Variants in CEP250 observed in about 807,000 individuals in gnomAD.
CEP250 encodes centrosome-associated protein CEP250.
CEP250 carries 242 observed loss-of-function variants against 315.7 expected under a neutral mutation model. The ratio of observed to expected loss-of-function variants is 0.77; its 90% CI spans 0.69 to 0.85. CEP250 has a LOEUF of 0.85. Among genes scored for constraint, CEP250 ranks in the 40% least tolerant of loss-of-function variants. The pLI, the probability that CEP250 is intolerant of heterozygous loss-of-function variation, is 0.00. For missense variants in CEP250, 2,515 were observed against 2,886.4 expected, an observed-to-expected ratio of 0.87 and a Z score of 2.95; for synonymous variants, 1,088 against 1,175.0, an observed-to-expected ratio of 0.93 and a Z score of 1.51.
chr20:35,491,008 C>T, intron 21 of CEP250: 1 of 786,374 alleles, frequency 1.3e-6, no homozygotes, highest in South Asian at 1.8e-5. Flanking sequence ...GGAGGGCTGA[C>T]ATGTACCACA....
At chr20:35,466,009 T>C in intron 6 of CEP250, 30 bp from the exon 7 acceptor site, 5 of 1,612,950 alleles carry the variant, frequency 3.1e-6, no homozygotes, top group Non-Finnish European at 4.2e-6. Flanking sequence ...ACCTTTATTT[T>C]GCACCCACTT....
At position 35,517,174 on chromosome 20, in the gene CEP250, G is replaced by C; in HGVS notation, c.*5548G>C. 4.2e-6 allele frequency: 1 copy of C among 238,088 alleles called. No homozygotes were observed. Among genetic ancestry groups the C allele is most frequent in the Non-Finnish European group, 6.8e-6 (1 of 146,466 alleles). 14.7% of individuals were successfully genotyped at this position (238,088 alleles called of 1,614,324 possible). ...CCTATTCAGTCCTCAAGGGTGCCCT[G>C]CTAAAGGCTGGGCTGAAAGCTAAGA... On this transcript the variant is annotated 3_prime_UTR_variant, in exon 35 of 35. Coordinates refer to ENST00000397527, the MANE Select transcript of CEP250 (RefSeq NM_007186.6).
At chr20:35,475,440 TA>T in intron 14 of CEP250, 61 bp from the exon 15 acceptor site, 2 of 1,522,144 alleles carry the variant, frequency 1.3e-6, no homozygotes, top group South Asian at 2.3e-5. Flanking sequence ...ATATTCCTGT[TA>T]CCTTTGGGGT....
chr20:35,500,480 C>T (rs2063972553), intron 28 of CEP250, among the ~76,000 whole-genome samples: 1 of 152,174 alleles, frequency 6.6e-6, no homozygotes, highest in South Asian at 2.1e-4. Context: ...AGCTCCTGCA[C>T]AATTATAGGA....
Position 35,475,633 on chromosome 20 carries a change from C to T in CEP250, c.1703C>T (p.Ala568Val). The stretch of plus-strand genomic sequence containing the variant: ...AGGCAAGAGCAAACGGAAGTGACCG[C>T]AGCGCTGGCTAGGGTGCGTGGCCTC... ...LLRQEQTEVT[A>V]ALARAEQSIA... Residue 568 changes from alanine (A) to valine (V), a missense_variant, in exon 15 of 35, where the codon GCA (alanine) becomes GTA (valine). Ala to Val is a moderately conservative substitution (Grantham distance 64). Transcript: ENST00000397527. 6.2e-7 allele frequency: 1 copy of T among 1,613,770 alleles called. No individual in the cohort carries two copies. The highest frequency in any genetic ancestry group is 2.2e-5 in the East Asian group (1 of 44,876).
intron 20 of CEP250, among the ~76,000 whole-genome samples, chr20:35,485,226 T>C (rs887480257): frequency 1.3e-5 from 2 of 151,948 alleles, no homozygotes; most frequent in African/African-American, 4.8e-5. Context: ...TACAAAAATA[T>C]TAGCCGGGTG....
intron 28 of CEP250, among the ~76,000 whole-genome samples, chr20:35,501,528 A>G (rs533546791): frequency 1.3e-5 from 2 of 152,250 alleles, no homozygotes; most frequent in East Asian, 1.9e-4. Context: ...AGGAACCTCC[A>G]GTGTCATCTG....
At position 35,508,995 on chromosome 20, in the gene CEP250, C is replaced by A. The variant is rs1317230922; in HGVS notation, c.6959C>A (p.Ala2320Glu). Residue 2320 changes from alanine (A) to glutamate (E), a missense_variant, in exon 33 of 35, where the codon GCA becomes GAA. Transcript: ENST00000397527. ...LKREAMRAAQ[A>E]GSLEISKATA... is the part of the protein sequence containing the mutation. The stretch of plus-strand genomic sequence containing the variant: ...AGGGAGGCCATGCGTGCGGCCCAGG[C>A]AGGGTCCCTAGAGATCAGCAAGGCC... 4.5e-6 allele frequency: 7 copies of A among 1,559,268 alleles called. No individual in the cohort carries two copies. The highest frequency in any genetic ancestry group is 6.1e-6 in the Non-Finnish European group (7 of 1,150,742).
At chr20:35,498,472 C>G in intron 26 of CEP250, 123 bp from the exon 27 acceptor site, 1 of 1,201,746 alleles carries the variant, frequency 8.3e-7, no homozygotes, top group Non-Finnish European at 1.2e-6. Context: ...GAGTGAACTG[C>G]TGAGAAAGGG....
chr20:35,459,716 C>T (rs974123734), intron 2 of CEP250, among the ~76,000 whole-genome samples: 3 of 151,918 alleles, frequency 2.0e-5, no homozygotes, highest in Admixed American at 6.6e-5. Context: ...TTTGAGGCTG[C>T]GGTGAGCTAT....
chr20:35,502,074 C>T, intron 29 of CEP250, 108 bp downstream of exon 29: 1 of 1,285,102 alleles, frequency 7.8e-7, no homozygotes, highest in East Asian at 2.3e-5. Context: ...CTGTCAGTTC[C>T]TCTGGCTGTC....
At chr20:35,481,518 A>AT (rs377397812) in intron 20 of CEP250, among the ~76,000 whole-genome samples, 5 of 151,932 alleles carry the variant, frequency 3.3e-5, no homozygotes, top group East Asian at 3.9e-4. Context: ...ACAAATTATG[A>AT]TTTTTTTATT....
chr20:35,473,656 G>T (rs917700241), intron 13 of CEP250, 104 bp downstream of exon 13: 2 of 1,251,610 alleles, frequency 1.6e-6, no homozygotes, highest in African/African-American at 3.0e-5. Context: ...TGCTGATCCT[G>T]TTCTCCTTGA....
intron 20 of CEP250, among the ~76,000 whole-genome samples, chr20:35,483,508 A>G (rs578117030): frequency 2.6e-5 from 4 of 151,240 alleles, no homozygotes; most frequent in East Asian, 3.9e-4. Context: ...ACATGCCACC[A>G]TGCCCAGCTA....
Position 35,505,027 on chromosome 20 carries a change from A to G in CEP250, c.6636+22A>G, listed in dbSNP as rs763006347. The G allele has an allele frequency of 2.4e-5, 37 of 1,571,064 alleles. No homozygotes were observed. In the East Asian group the frequency reaches 7.0e-4, roughly 30 times the overall value. On this transcript the variant is annotated intron_variant, in intron 30 of 34. Transcript: ENST00000397527. Reference sequence around the variant, plus strand: ...GCAGGTAAGTCACTCCATGGGGAGTAAGGGCCAGGGGACACACCCCTGTCT... The same window carrying G: ...GCAGGTAAGTCACTCCATGGGGAGTGAGGGCCAGGGGACACACCCCTGTCT...
intron 15 of CEP250, among the ~76,000 whole-genome samples, chr20:35,476,046 T>C (rs2146828727): frequency 6.6e-6 from 1 of 152,332 alleles, no homozygotes; most frequent in Middle Eastern, 3.4e-3. Context: ...CTGCGTGTAC[T>C]TTTCCCTTTC....
Position 35,472,381 on chromosome 20 carries a change from C to T in CEP250, c.1050+230C>T, listed in dbSNP as rs1301960112. Reference sequence around the variant, plus strand: ...CTTTCCTGTTTCTAGCTGCAGTTCTCAGGCTGGAGGCTAGATTCTGGTATT... The same window carrying T: ...CTTTCCTGTTTCTAGCTGCAGTTCTTAGGCTGGAGGCTAGATTCTGGTATT... On this transcript the variant is annotated intron_variant, in intron 11 of 34. Coordinates refer to ENST00000397527, the MANE Select transcript of CEP250 (RefSeq NM_007186.6). 3.3e-5 allele frequency among the ~76,000 whole-genome samples: 5 copies of T among 152,234 alleles called. No homozygotes were observed. The East Asian group carries it at 9.6e-4, about 29-fold the overall frequency.
At position 35,508,051 on chromosome 20, in the gene CEP250, C is replaced by G; in HGVS notation, c.6767C>G (p.Ala2256Gly). 2 of 1,614,190 alleles carry G rather than the reference C, an allele frequency of 1.2e-6. No individual in the cohort carries two copies. Among genetic ancestry groups the G allele is most frequent in the Non-Finnish European group, 1.7e-6 (2 of 1,180,030 alleles). ...TTCCCACAGGTCTCAGGAGTGGAGG[C>G]TGAGCCTAGTCCTGATGGAATGGAG... The part of the protein sequence containing the change: ...VQLGEVSGVE[A>G]EPSPDGMEKQ... Residue 2256 changes from alanine to glycine, a missense_variant, in exon 32 of 35, where the codon GCT (alanine) becomes GGT (glycine). Physicochemically the swap from Ala to Gly is moderately conservative, Grantham distance 60 (BLOSUM62 0). Transcript: ENST00000397527.
intron 15 of CEP250, 54 bp from the exon 16 acceptor site, chr20:35,476,395 A>G: frequency 6.4e-7 from 1 of 1,554,730 alleles, no homozygotes; most frequent in Non-Finnish European, 8.8e-7. Flanking sequence ...TGAACTGTTT[A>G]CTGTTCCAGG....
Sources: allele counts gnomAD v4.1 joint callset (sites outside exome capture counted in the v4.1 genomes callset), GRCh38; gene constraint gnomAD v4.1.1; transcripts MANE v1.5; gene names NCBI Gene and HGNC (gene_info 2026-07-23, HGNC 2026-07-21).